CCNI: variants seen among roughly 807,000 people sequenced by gnomAD.
The protein encoded by CCNI is cyclin-I.
Under a neutral mutation model 34.1 loss-of-function variants are expected in CCNI, and 14 were observed. That is an observed-to-expected ratio of 0.41 (90% CI 0.27 to 0.64). CCNI has a LOEUF of 0.64. Ranked by LOEUF, CCNI falls within the 30% of genes least tolerant of loss-of-function variation. The pLI is 0.31. For missense variants in CCNI, 385 were observed against 440.5 expected (o/e 0.87, Z 1.13); for synonymous variants, 154 against 158.4 (o/e 0.97, Z 0.21).
chr4:77,049,257 GT>G (rs1362006869), intron 6 of CCNI, among the ~76,000 whole-genome samples: 1 of 152,096 alleles, frequency 6.6e-6, no homozygotes, highest in Non-Finnish European at 1.5e-5. Flanking sequence ...TAATTTGGGA[GT>G]TTTGCTGATT....
At chr4:77,057,990 G>C (rs1274653952) in intron 3 of CCNI, among the ~76,000 whole-genome samples, 1 of 152,166 alleles carries the variant, frequency 6.6e-6, no homozygotes, top group Non-Finnish European at 1.5e-5. Flanking sequence ...AAAAAGTTAT[G>C]AATACTTGTA....
At chr4:77,067,488 G>C (rs1729118207) in intron 1 of CCNI, among the ~76,000 whole-genome samples, 1 of 151,970 alleles carries the variant, frequency 6.6e-6, no homozygotes, top group Non-Finnish European at 1.5e-5. Context: ...AATGTCTCTA[G>C]GTTTTATGTT....
chr4:77,053,786 TTTTC>T (rs1407311000), intron 6 of CCNI, among the ~76,000 whole-genome samples: 5 of 152,204 alleles, frequency 3.3e-5, no homozygotes, highest in South Asian at 4.1e-4. Context: ...AATATTCAAC[TTTTC>T]TTTCTAACAC....
At chr4:77,075,360 C>G (rs1432648072) in intron 1 of CCNI, 112 bp downstream of exon 1, 1 of 241,860 alleles carries the variant, frequency 4.1e-6, no homozygotes, top group East Asian at 1.8e-4. Context: ...GCGAGCAGCG[C>G]GCGGCCAAGG....
chr4:77,048,708 A>C, intron 6 of CCNI, 46 bp from the exon 7 acceptor site: 1 of 1,414,240 alleles, frequency 7.1e-7, no homozygotes. Context: ...ATCATTAATT[A>C]ACATAGGCTG....
At chr4:77,073,379 T>G (rs754493481) in intron 1 of CCNI, among the ~76,000 whole-genome samples, 1 of 152,218 alleles carries the variant, frequency 6.6e-6, no homozygotes, top group Non-Finnish European at 1.5e-5. Context: ...TGCTGCACAG[T>G]GCTGGGTATA....
chr4:77,069,175 C>T (rs4252813), intron 1 of CCNI, among the ~76,000 whole-genome samples: 1 of 152,106 alleles, frequency 6.6e-6, no homozygotes, highest in Non-Finnish European at 1.5e-5. Context: ...CTTGCACTTT[C>T]GAAGGCTGAG....
At position 77,075,629 on chromosome 4, in the gene CCNI, G is replaced by T. The variant is rs1364903320; in HGVS notation, c.-201C>A. The T allele has an allele frequency of 2.1e-6, 2 of 953,306 alleles. No individual in the cohort carries two copies. The highest frequency in any genetic ancestry group is 1.2e-4 in the East Asian group (1 of 8,630). 59.1% of individuals were successfully genotyped at this position (953,306 alleles called of 1,614,324 possible). A position where few individuals can be genotyped will look rare whatever the true frequency, so the allele number is the denominator to read the frequency against. On this transcript the variant is annotated 5_prime_UTR_variant, in exon 1 of 7. Coordinates refer to ENST00000237654, the MANE Select transcript of CCNI (RefSeq NM_006835.3). ...TCGGCCAACTGAGGAGGGAGAAAGG[G>T]GAAGCGGATCGGGGGGCGCGGGCGC... is the stretch of plus-strand genomic sequence containing the variant.
intron 2 of CCNI, chr4:77,064,939 C>G (rs1728926152): frequency 6.6e-6 from 1 of 152,226 alleles, no homozygotes; most frequent in Non-Finnish European, 1.5e-5. Context: ...CTCAGCCTCC[C>G]AAAGTGCTGG....
At chr4:77,060,839 G>A (rs571040829) in intron 2 of CCNI, among the ~76,000 whole-genome samples, 2 of 152,226 alleles carry the variant, frequency 1.3e-5, no homozygotes, top group Admixed American at 1.3e-4. Context: ...TGGCCAGGCT[G>A]GTCTCAAATC....
At chr4:77,049,472 G>A (rs1047023623) in intron 6 of CCNI, among the ~76,000 whole-genome samples, 3 of 152,094 alleles carry the variant, frequency 2.0e-5, no homozygotes, top group African/African-American at 7.2e-5. Flanking sequence ...GAAGCCAGAA[G>A]TTCAGACCAG....
chr4:77,075,016 C>G (rs1423998462), intron 1 of CCNI: 3 of 144,996 alleles, frequency 2.1e-5, no homozygotes, highest in African/African-American at 5.0e-5. Context: ...TTCACAGCAC[C>G]GGAGGTTCAC....
chr4:77,051,902 CA>C (rs1430260450), intron 6 of CCNI, among the ~76,000 whole-genome samples: 2 of 151,498 alleles, frequency 1.3e-5, no homozygotes, highest in Admixed American at 6.6e-5. Context: ...AGTCTGACCA[CA>C]GCCACCTTCA....
chr4:77,072,255 C>T (rs1485990262), intron 1 of CCNI, among the ~76,000 whole-genome samples: 1 of 151,922 alleles, frequency 6.6e-6, no homozygotes, highest in African/African-American at 2.4e-5. Context: ...AAGAATCACT[C>T]TTTGCTCACT....
chr4:77,065,745 C>A (rs546666328), intron 2 of CCNI, among the ~76,000 whole-genome samples: 9 of 152,288 alleles, frequency 5.9e-5, no homozygotes, highest in African/African-American at 1.9e-4. Context: ...AACAGGTCAA[C>A]AAACAAAAAC....
intron 3 of CCNI, among the ~76,000 whole-genome samples, chr4:77,057,966 A>C (rs1208606397): frequency 1.3e-5 from 2 of 152,238 alleles, no homozygotes. Flanking sequence ...AAGAGATAAA[A>C]AATTTCATAG....
At chr4:77,048,782 T>A in intron 6 of CCNI, 120 bp from the exon 7 acceptor site, 1 of 571,740 alleles carries the variant, frequency 1.7e-6, no homozygotes, top group Non-Finnish European at 2.9e-6. Context: ...GTCTTTTCTC[T>A]CCCCACATCT....
At chr4:77,058,677 C>G (rs776107169) in intron 2 of CCNI, 42 bp from the exon 3 acceptor site, 3 of 1,579,444 alleles carry the variant, frequency 1.9e-6, no homozygotes, top group Admixed American at 1.7e-5. Context: ...AAAGTTTGAG[C>G]TATCATCAAG....
At chr4:77,067,719 G>A (rs555929460) in intron 1 of CCNI, among the ~76,000 whole-genome samples, 15 of 132,854 alleles carry the variant, frequency 1.1e-4, no homozygotes, top group Non-Finnish European at 2.2e-4. Flanking sequence ...CCAGCCTCAC[G>A]CAGTCCTCCT....
Sources: allele counts gnomAD v4.1 joint callset (sites outside exome capture counted in the v4.1 genomes callset), GRCh38; gene constraint gnomAD v4.1.1; transcripts MANE v1.5; gene names NCBI Gene and HGNC (gene_info 2026-07-23, HGNC 2026-07-21).